EPDR1: variants seen among roughly 807,000 people sequenced by gnomAD.
The protein encoded by EPDR1 is mammalian ependymin-related protein 1.
EPDR1 carries 27 observed loss-of-function variants against 23.7 expected under a neutral mutation model. That is an observed-to-expected ratio of 1.14 (90% CI 0.84 to 1.57). The LOEUF is 1.57. EPDR1 is among the 40% of genes most tolerant of loss of function. The pLI, the probability that EPDR1 is intolerant of heterozygous loss-of-function variation, is 0.00. For missense variants in EPDR1, 349 were observed against 290.4 expected, an observed-to-expected ratio of 1.20 and a Z score of -1.47; for synonymous variants, 137 against 118.2, an observed-to-expected ratio of 1.16 and a Z score of -1.03.
At chr7:37,922,189 A>G (rs62443110) in intron 1 of EPDR1, among the ~76,000 whole-genome samples, 4,323 of 152,296 alleles carry the variant, frequency 0.028, 103 homozygotes, top group East Asian at 0.089. Flanking sequence ...TGAAACGCCA[A>G]TGGACTGTAA....
rs1230308900 is a variant in EPDR1, at chr7:37,921,209, G to A, written c.269+1G>A. 1.9e-6 allele frequency: 3 copies of A among 1,582,316 alleles called. No homozygotes were observed. The highest frequency in any genetic ancestry group is 1.7e-6 in the Non-Finnish European group (2 of 1,173,866). ...GGAAGGCGCTGATCCCCTGCAAGAG[G>A]TACAGGTCATCGGCCCGCGGGGCGG... On this transcript the variant is annotated splice_donor_variant, in intron 1 of 2. Transcript: ENST00000199448. LOFTEE classifies it high-confidence loss of function.
At chr7:37,933,099 G>A (rs1268468046) in intron 1 of EPDR1, among the ~76,000 whole-genome samples, 2 of 152,210 alleles carry the variant, frequency 1.3e-5, no homozygotes, top group African/African-American at 4.8e-5. Context: ...ACACAATTTT[G>A]AAATAGTGTT....
chr7:37,920,886 C>T lies in EPDR1; in HGVS notation c.-54C>T. ...CGGGAGCCACTCTGATCCCGGACGC[C>T]TCAGCGCCCCCTTGGGCTTGGGCTT... is the stretch of plus-strand genomic sequence containing the variant. On this transcript the variant is annotated 5_prime_UTR_variant, in exon 1 of 3. Transcript: ENST00000199448. 3 of 1,611,588 alleles carry T rather than the reference C, an allele frequency of 1.9e-6. No individual in the cohort carries two copies. The highest frequency in any genetic ancestry group is 2.5e-6 in the Non-Finnish European group (3 of 1,179,230).
rs1786335392 is a variant in EPDR1 at position 37,948,848 on chromosome 7, A to G, written c.278A>G (p.Glu93Gly). 3 of 1,614,012 alleles carry G rather than the reference A, an allele frequency of 1.9e-6. No homozygotes were observed. Among genetic ancestry groups the G allele is most frequent in the Non-Finnish European group, 2.5e-6 (3 of 1,179,920 alleles). ...TTCCATCTGTGTTTCAGATTATTTGAATATATTTTGCTGTATAAGGATGGA... is the reference window on the plus strand; with the variant it reads ...TTCCATCTGTGTTTCAGATTATTTGGATATATTTTGCTGTATAAGGATGGA... ...KALIPCKRLFEYILLYKDGVM... is the reference protein window; with the variant it reads ...KALIPCKRLFGYILLYKDGVM... The change falls in exon 2 of 3, where the codon GAA becomes GGA. Residue 93 changes from glutamate to glycine, a missense_variant. Transcript: ENST00000199448.
chr7:37,920,898 T>A lies in EPDR1; in HGVS notation c.-42T>A, dbSNP rs1785678232. 1 of 1,611,138 alleles carries A rather than the reference T, an allele frequency of 6.2e-7. No individual in the cohort carries two copies. The highest frequency in any genetic ancestry group is 1.3e-5 in the African/African-American group (1 of 74,892). ...TGATCCCGGACGCCTCAGCGCCCCC[T>A]TGGGCTTGGGCTTGCCCTCGGGCCG... On this transcript the variant is annotated 5_prime_UTR_variant, in exon 1 of 3. It adds an upstream start codon to the 5' untranslated region. Coordinates refer to ENST00000199448, the MANE Select transcript of EPDR1 (RefSeq NM_017549.5).
At chr7:37,925,141 A>G (rs1785789322) in intron 1 of EPDR1, among the ~76,000 whole-genome samples, 1 of 152,236 alleles carries the variant, frequency 6.6e-6, no homozygotes, top group Admixed American at 6.5e-5. Context: ...TGACTCCTTG[A>G]TTAAATTCAC....
chr7:37,927,762 T>A (rs1224948435), intron 1 of EPDR1, among the ~76,000 whole-genome samples: 2 of 152,194 alleles, frequency 1.3e-5, no homozygotes, highest in Non-Finnish European at 2.9e-5. Flanking sequence ...TTTTAAGAAA[T>A]CACGACTTTG....
At chr7:37,945,035 G>T (rs1025220218) in intron 1 of EPDR1, among the ~76,000 whole-genome samples, 8 of 152,150 alleles carry the variant, frequency 5.3e-5, no homozygotes, top group Non-Finnish European at 1.2e-4. Context: ...TGTTTTTTGG[G>T]TGGCCCACGG....
Position 37,949,040 on chromosome 7 carries a change from C to T in EPDR1, c.470C>T (p.Ala157Val). Residue 157 changes from alanine to valine, a missense_variant, in exon 2 of 3, where the codon GCT (alanine) becomes GTT (valine). Coordinates refer to ENST00000199448, the MANE Select transcript of EPDR1 (RefSeq NM_017549.5). The stretch of plus-strand genomic sequence containing the variant: ...CAGGAGTGGTCGGACAGAAAGTCAG[C>T]TAGATCCTGTAAGGGTTCAAAGAAT... ...TVQEWSDRKS[A>V]RSYETWIGIY... The T allele has an allele frequency of 6.2e-7, 1 of 1,614,042 alleles. No homozygotes were observed. Among genetic ancestry groups the T allele is most frequent in the Non-Finnish European group, 8.5e-7 (1 of 1,179,920 alleles).
At chr7:37,943,231 T>C (rs1396619317) in intron 1 of EPDR1, among the ~76,000 whole-genome samples, 1 of 152,250 alleles carries the variant, frequency 6.6e-6, no homozygotes, top group Non-Finnish European at 1.5e-5. Context: ...CTCACCTTGC[T>C]TGACTGTGCC....
chr7:37,931,844 G>A (rs548624037), intron 1 of EPDR1, among the ~76,000 whole-genome samples: 88 of 152,106 alleles, frequency 5.8e-4, no homozygotes, highest in Non-Finnish European at 8.1e-4. Flanking sequence ...GACTACAGGT[G>A]CACACCACTG....
intron 1 of EPDR1, among the ~76,000 whole-genome samples, chr7:37,944,241 T>C (rs1220905609): frequency 6.6e-6 from 1 of 152,246 alleles, no homozygotes; most frequent in Non-Finnish European, 1.5e-5. Context: ...CTTCATTCTT[T>C]AATCCTATTC....
At chr7:37,924,942 T>G (rs894055831) in intron 1 of EPDR1, among the ~76,000 whole-genome samples, 1 of 152,200 alleles carries the variant, frequency 6.6e-6, no homozygotes, top group African/African-American at 2.4e-5. Context: ...TCATTTTGCA[T>G]CCAGATAGTT....
At position 37,921,097 on chromosome 7, in the gene EPDR1, T is replaced by C; in HGVS notation, c.158T>C (p.Val53Ala). 2 of 1,590,034 alleles carry C rather than the reference T, an allele frequency of 1.3e-6. No homozygotes were observed. Among genetic ancestry groups the C allele is most frequent in the Non-Finnish European group, 8.5e-7 (1 of 1,175,398 alleles). The change falls in exon 1 of 3, where the codon GTT (valine) becomes GCT (alanine). Residue 53 changes from valine (V) to alanine (A), a missense_variant. Val to Ala is a moderately conservative substitution (Grantham distance 64). Coordinates refer to ENST00000199448, the MANE Select transcript of EPDR1 (RefSeq NM_017549.5). ...QAPQQWEGRQ[V>A]MYQQSSGRNS... is the part of the protein sequence containing the mutation. ...CCGCAGCAGTGGGAGGGGCGCCAGG[T>C]TATGTACCAGCAAAGTAGCGGGCGC...
intron 1 of EPDR1, among the ~76,000 whole-genome samples, chr7:37,946,795 T>G (rs1296966122): frequency 2.7e-5 from 4 of 147,974 alleles, no homozygotes; most frequent in East Asian, 2.0e-4. Flanking sequence ...TAACACAAAG[T>G]TTTTTTTTTA....
chr7:37,925,428 AT>A (rs1189193779), intron 1 of EPDR1, among the ~76,000 whole-genome samples: 7 of 152,254 alleles, frequency 4.6e-5, no homozygotes, highest in Non-Finnish European at 1.0e-4. Context: ...AAGGATTTGT[AT>A]TTGTAAAACA....
At chr7:37,932,141 CCTTTTCATCA>C (rs1257744487) in intron 1 of EPDR1, among the ~76,000 whole-genome samples, 1 of 147,358 alleles carries the variant, frequency 6.8e-6, no homozygotes, top group East Asian at 2.0e-4. Context: ...TTTGCTTTAG[CCTTTTCATCA>C]CTTAATATGT....
At chr7:37,933,583 C>G (rs544401068) in intron 1 of EPDR1, among the ~76,000 whole-genome samples, 1 of 152,294 alleles carries the variant, frequency 6.6e-6, no homozygotes, top group African/African-American at 2.4e-5. Context: ...TGGATGTGTT[C>G]TTTTTTTCCT....
At chr7:37,923,748 G>T (rs1975641) in intron 1 of EPDR1, among the ~76,000 whole-genome samples, 40,621 of 151,896 alleles carry the variant, frequency 0.27, 5,511 homozygotes, top group African/African-American at 0.34. Flanking sequence ...CTGAATATGG[G>T]TCTTTGGGTA....
Sources: gnomAD v4.1 joint callset for allele counts (sites outside exome capture counted in the v4.1 genomes callset) on GRCh38, gnomAD v4.1.1 for gene constraint, MANE v1.5 for transcripts, NCBI Gene and HGNC (gene_info 2026-07-23, HGNC 2026-07-21) for gene names.